The following TAF15 variants were observed in gnomAD, a reference collection of about 807,000 sequenced individuals.
TAF15 encodes the protein TATA-box binding protein associated factor 15.
Under a neutral mutation model 102.5 loss-of-function variants are expected in TAF15, and 37 were observed. The ratio of observed to expected loss-of-function variants is 0.36; its 90% CI spans 0.28 to 0.47. TAF15 has a LOEUF of 0.47. TAF15 is among the 20% of genes least tolerant of loss of function. The pLI, the probability that TAF15 is intolerant of heterozygous loss-of-function variation, is 0.99. For synonymous variants in TAF15, 273 were observed against 259.2 expected (o/e 1.05, Z -0.51); for missense variants, 652 against 760.7 (o/e 0.86, Z 1.68).
At chr17:35,828,152 T>G (rs1035854659) in intron 7 of TAF15, among the ~76,000 whole-genome samples, 1 of 152,206 alleles carries the variant, frequency 6.6e-6, no homozygotes, top group African/African-American at 2.4e-5. Context: ...TCCAGATTTT[T>G]GAGGATCTTC....
chr17:35,845,659 G>A lies in TAF15; in HGVS notation c.1739+621G>A, dbSNP rs1033607299. On this transcript the variant is annotated intron_variant, in intron 15 of 15. Coordinates refer to ENST00000605844, the MANE Select transcript of TAF15 (RefSeq NM_139215.3). ...CAAGTAGCTGGGACTATGGGCGCCCGCCACCACGCCCGGCTAATTTTTTGT... is the reference window on the plus strand; with the variant it reads ...CAAGTAGCTGGGACTATGGGCGCCCACCACCACGCCCGGCTAATTTTTTGT... 5.3e-5 allele frequency among the ~76,000 whole-genome samples: 8 copies of A among 152,108 alleles called. 1 individual carries two copies. Among genetic ancestry groups the A allele is most frequent in the African/African-American group, 1.9e-4 (8 of 41,432 alleles).
At chr17:35,846,599 C>T (rs1042999614) in intron 15 of TAF15, among the ~76,000 whole-genome samples, 1 of 152,132 alleles carries the variant, frequency 6.6e-6, no homozygotes, top group Non-Finnish European at 1.5e-5. Flanking sequence ...TCCACTATGC[C>T]ACTCTCCTAT....
At position 35,813,482 on chromosome 17, in the gene TAF15, A is replaced by G. The variant is rs145581662; in HGVS notation, c.7+3906A>G. On this transcript the variant is annotated intron_variant, in intron 1 of 15. Coordinates refer to ENST00000605844, the MANE Select transcript of TAF15 (RefSeq NM_139215.3). ...AACTCCCATCTCTACAAAATACAAA[A>G]AAGATCAGCTGAATGTGGCGGTATG... Among the ~76,000 whole-genome samples, 398 of 152,202 alleles carry G rather than the reference A, an allele frequency of 2.6e-3. 1 individual carries two copies. Among genetic ancestry groups the G allele is most frequent in the Non-Finnish European group, 4.0e-3 (275 of 68,010 alleles).
intron 1 of TAF15, chr17:35,810,559 C>T (rs2087113543): frequency 6.6e-6 from 1 of 152,214 alleles, no homozygotes; most frequent in Non-Finnish European, 1.5e-5. Context: ...GGTGTCTATC[C>T]ACTTGCTAGA....
Position 35,833,806 on chromosome 17 carries a change from C to T in TAF15, c.606-101C>T, listed in dbSNP as rs115752938. ...GAAAACTTAGAGGTGCTACTGTTTTCCTAAGCACTCTACTTGTGACAGTTA... is the reference window on the plus strand; with the variant it reads ...GAAAACTTAGAGGTGCTACTGTTTTTCTAAGCACTCTACTTGTGACAGTTA... On this transcript the variant is annotated intron_variant, in intron 7 of 15. Coordinates refer to ENST00000605844, the MANE Select transcript of TAF15 (RefSeq NM_139215.3). The T allele has an allele frequency of 9.2e-4, 1,117 of 1,213,200 alleles. 9 individuals are homozygous for T. In the African/African-American group the frequency reaches 0.014, roughly 16 times the overall value. The allele number at this position is 1,213,200 out of a possible 1,614,324, so 75.2% of individuals were successfully genotyped here.
At chr17:35,824,414 T>A (rs2087301314) in intron 7 of TAF15, 7 of 599,072 alleles carry the variant, frequency 1.2e-5, no homozygotes, top group Admixed American at 6.3e-5. Flanking sequence ...GTAGTTAGTT[T>A]ATGTGGTACA....
At chr17:35,822,872 T>C in intron 6 of TAF15, 39 bp downstream of exon 6, 1 of 1,607,780 alleles carries the variant, frequency 6.2e-7, no homozygotes, top group Non-Finnish European at 8.5e-7. Flanking sequence ...TTTCCCCCTC[T>C]CAGAATTATT....
chr17:35,842,716 G>A (rs1316669112), intron 12 of TAF15, among the ~76,000 whole-genome samples: 2 of 151,956 alleles, frequency 1.3e-5, no homozygotes, highest in Admixed American at 1.3e-4. Context: ...GAAATCAGGA[G>A]GCAATTTTTT....
intron 2 of TAF15, 94 bp from the exon 3 acceptor site, chr17:35,819,930 A>G (rs1289572300): frequency 2.6e-5 from 28 of 1,071,098 alleles, no homozygotes; most frequent in Admixed American, 7.9e-5. Context: ...AGAAGCTTGT[A>G]TTTGAGTTGA....
chr17:35,831,943 G>A (rs188736454), intron 7 of TAF15, among the ~76,000 whole-genome samples: 5 of 152,046 alleles, frequency 3.3e-5, no homozygotes, highest in Admixed American at 6.5e-5. Flanking sequence ...TTAGCCGGGC[G>A]TGGTGGCGCC....
chr17:35,843,688 C>T (rs999818347), intron 12 of TAF15, among the ~76,000 whole-genome samples: 6 of 152,122 alleles, frequency 3.9e-5, no homozygotes, highest in African/African-American at 1.4e-4. Context: ...GTCATTGAAG[C>T]ATTTCAGGTT....
chr17:35,834,393 C>T, intron 8 of TAF15, 173 bp from the exon 9 acceptor site: 1 of 638,222 alleles, frequency 1.6e-6, no homozygotes, highest in East Asian at 2.8e-5. Context: ...TCTTGATTTC[C>T]TAAACTTTAA....
In TAF15 at chr17:35,838,362, T is replaced by TA. The variant is rs113641026; in HGVS notation, c.784-59dup. The TA allele has an allele frequency of 2.5e-5, 40 of 1,600,442 alleles. 2 individuals are homozygous for TA. In the African/African-American group the frequency reaches 2.9e-4, roughly 12 times the overall value. The stretch of plus-strand genomic sequence containing the variant: ...TAAAAAAAATAAATCTTTGATTATC[T>TA]AAATGATACATGATTACTTATTTTA... On this transcript the variant is annotated intron_variant, in intron 10 of 15. Transcript: ENST00000605844.
At chr17:35,835,724 A>G (rs1226828283) in intron 9 of TAF15, among the ~76,000 whole-genome samples, 1 of 152,254 alleles carries the variant, frequency 6.6e-6, no homozygotes, top group Non-Finnish European at 1.5e-5. Context: ...AGTTCAAAGT[A>G]TCAGATTTGG....
intron 7 of TAF15, among the ~76,000 whole-genome samples, chr17:35,833,179 G>A (rs2087427984): frequency 6.6e-6 from 1 of 151,594 alleles, no homozygotes; most frequent in Admixed American, 6.6e-5. Context: ...AAGTTGTCCT[G>A]TTTGGAATAT....
chr17:35,819,144 T>G (rs1232906220), intron 2 of TAF15, among the ~76,000 whole-genome samples: 2 of 152,226 alleles, frequency 1.3e-5, no homozygotes, highest in African/African-American at 4.8e-5. Flanking sequence ...CAAAACTGAT[T>G]TGACTTTTTT....
intron 1 of TAF15, 48 bp downstream of exon 1, chr17:35,809,624 C>T (rs761029403): frequency 2.5e-6 from 4 of 1,612,360 alleles, no homozygotes; most frequent in African/African-American, 2.7e-5. Context: ...AAGGTCCTGG[C>T]GGGGTTGGGC....
At chr17:35,843,299 T>G (rs941082583) in intron 12 of TAF15, among the ~76,000 whole-genome samples, 2 of 151,964 alleles carry the variant, frequency 1.3e-5, no homozygotes, top group Non-Finnish European at 2.9e-5. Flanking sequence ...AATTTTGTAT[T>G]TTTAGTAGAG....
intron 5 of TAF15, among the ~76,000 whole-genome samples, chr17:35,821,070 AGT>A (rs1187105657): frequency 6.6e-6 from 1 of 152,194 alleles, no homozygotes; most frequent in Non-Finnish European, 1.5e-5. Context: ...ACTATGAAAT[AGT>A]GTCAGTGATT....
Sources: gnomAD v4.1 joint callset for allele counts (sites outside exome capture counted in the v4.1 genomes callset) on GRCh38, gnomAD v4.1.1 for gene constraint, MANE v1.5 for transcripts, NCBI Gene and HGNC (gene_info 2026-07-23, HGNC 2026-07-21) for gene names.